CCND1: variants seen among roughly 807,000 people sequenced by gnomAD.
CCND1 encodes the protein G1/S-specific cyclin-D1.
CCND1 carries 9 observed loss-of-function variants against 26.1 expected under a neutral mutation model. The ratio of observed to expected loss-of-function variants is 0.35; its 90% CI spans 0.21 to 0.60. CCND1 has a LOEUF of 0.60. CCND1 is among the 20% of genes least tolerant of loss of function. The pLI is 0.79. For missense variants in CCND1, 335 were observed against 392.9 expected, an observed-to-expected ratio of 0.85 and a Z score of 1.25; for synonymous variants, 194 against 166.1, an observed-to-expected ratio of 1.17 and a Z score of -1.29.
chr11:69,653,451 T>C lies in CCND1; in HGVS notation c.*2169T>C. On this transcript the variant is annotated 3_prime_UTR_variant, in exon 5 of 5. Coordinates refer to ENST00000227507, the MANE Select transcript of CCND1 (RefSeq NM_053056.3). ...TTTTTTTTATGTGATCAATTTTGAC[T>C]TAATGTGATTACTGCTCTATTCCAA... The C allele has an allele frequency of 1.6e-6, 1 of 608,258 alleles. No homozygotes were observed. Among genetic ancestry groups the C allele is most frequent in the Non-Finnish European group, 2.9e-6 (1 of 348,446 alleles). 37.7% of individuals were successfully genotyped at this position (608,258 alleles called of 1,614,324 possible).
Position 69,653,646 on chromosome 11 carries a change from G to T in CCND1, c.*2364G>T, listed in dbSNP as rs557913711. ...ACCGCGCCGGTGTCCCCAGAGACCA[G>T]GCTGTGTCCCTCTTCTCTTCCCTGC... On this transcript the variant is annotated 3_prime_UTR_variant, in exon 5 of 5. Transcript: ENST00000227507. The T allele has an allele frequency of 5.0e-5, 20 of 402,830 alleles. No individual in the cohort carries two copies. The highest frequency in any genetic ancestry group is 3.7e-4 in the African/African-American group (18 of 48,556). 25.0% of individuals were successfully genotyped at this position (402,830 alleles called of 1,614,324 possible). A position where few individuals can be genotyped will look rare whatever the true frequency, so the allele number is the denominator to read the frequency against.
At chr11:69,642,830 T>A (rs934630992) in intron 1 of CCND1, among the ~76,000 whole-genome samples, 1 of 143,548 alleles carries the variant, frequency 7.0e-6, no homozygotes, top group East Asian at 2.4e-4. Context: ...GCGGGGACTT[T>A]CCCTTTCAGT....
rs1398886316 is a variant in CCND1 at position 69,648,149 on chromosome 11, G to A, written c.723+7G>A. The A allele has an allele frequency of 1.2e-6, 2 of 1,613,636 alleles. No individual in the cohort carries two copies. The highest frequency in any genetic ancestry group is 1.7e-6 in the Non-Finnish European group (2 of 1,179,956). On this transcript the variant is annotated splice_region_variant and intron_variant, in intron 4 of 4. Coordinates refer to ENST00000227507, the MANE Select transcript of CCND1 (RefSeq NM_053056.3). ...AGTGATCAAGTGTGACCCGGTAAGT[G>A]AGGGTGATGTCCCAGGCAGCCTTGC...
At position 69,651,159 on chromosome 11, in the gene CCND1, G is replaced by A. The variant is rs2120119852; in HGVS notation, c.765G>A (p.Leu255=). The A allele has an allele frequency of 1.9e-6, 3 of 1,613,092 alleles. No individual in the cohort carries two copies. Among genetic ancestry groups the A allele is most frequent in the East Asian group, 2.2e-5 (1 of 44,738 alleles). The change falls in exon 5 of 5, where the codon CTG becomes CTA. Residue 255 remains leucine, a synonymous_variant. Coordinates refer to ENST00000227507, the MANE Select transcript of CCND1 (RefSeq NM_053056.3). Reference sequence around the variant, plus strand: ...GCCAGGAGCAGATCGAAGCCCTGCTGGAGTCAAGCCTGCGCCAGGCCCAGC... The same window carrying A: ...GCCAGGAGCAGATCGAAGCCCTGCTAGAGTCAAGCCTGCGCCAGGCCCAGC... ...RACQEQIEAL[L]ESSLRQAQQN... is the part of the protein sequence containing the mutation.
intron 3 of CCND1, among the ~76,000 whole-genome samples, chr11:69,645,928 G>A (rs1308369741): frequency 2.0e-5 from 3 of 152,190 alleles, no homozygotes; most frequent in Non-Finnish European, 4.4e-5. Context: ...GGTGAGGAAC[G>A]TCCAGTGCCA....
rs1056928220 is a variant in CCND1 at position 69,653,973 on chromosome 11, A to G, written c.*2691A>G. The stretch of plus-strand genomic sequence containing the variant: ...TAATTTAAAGAGACTCCAAATCTCA[A>G]TGAAGCCAGCTCACAGTGCTGTGTG... On this transcript the variant is annotated 3_prime_UTR_variant, in exon 5 of 5. Transcript: ENST00000227507. The G allele has an allele frequency of 4.1e-5, 24 of 582,156 alleles. No homozygotes were observed. The highest frequency in any genetic ancestry group is 3.7e-4 in the African/African-American group (20 of 53,650). 36.1% of individuals were successfully genotyped at this position (582,156 alleles called of 1,614,324 possible).
At chr11:69,647,372 G>A (rs921288448) in intron 3 of CCND1, among the ~76,000 whole-genome samples, 1 of 152,090 alleles carries the variant, frequency 6.6e-6, no homozygotes. Context: ...CTCTCCTGGC[G>A]CCAGGGCCTG....
At chr11:69,644,400 C>T (rs1855753082) in intron 3 of CCND1, among the ~76,000 whole-genome samples, 1 of 152,350 alleles carries the variant, frequency 6.6e-6, no homozygotes, top group South Asian at 2.1e-4. Context: ...AGGCCCCCTC[C>T]TGGCCTCTCC....
At position 69,653,946 on chromosome 11, in the gene CCND1, G is replaced by A. The variant is rs1390054503; in HGVS notation, c.*2664G>A. 3 of 563,296 alleles carry A rather than the reference G, an allele frequency of 5.3e-6. No individual in the cohort carries two copies. Among genetic ancestry groups the A allele is most frequent in the Non-Finnish European group, 9.5e-6 (3 of 316,910 alleles). The allele number at this position is 563,296 out of a possible 1,614,324, so 34.9% of individuals were successfully genotyped here. A position where few individuals can be genotyped will look rare whatever the true frequency, so the allele number is the denominator to read the frequency against. ...ATTGTTTTGTTAATTACACCATAATGCTAATTTAAAGAGACTCCAAATCTC... is the reference window on the plus strand; with the variant it reads ...ATTGTTTTGTTAATTACACCATAATACTAATTTAAAGAGACTCCAAATCTC... On this transcript the variant is annotated 3_prime_UTR_variant, in exon 5 of 5. Transcript: ENST00000227507.
At chr11:69,643,533 C>G (rs1855738727) in intron 2 of CCND1, among the ~76,000 whole-genome samples, 1 of 152,240 alleles carries the variant, frequency 6.6e-6, no homozygotes, top group South Asian at 2.1e-4. Flanking sequence ...CGAGGAGCGC[C>G]GCGCTCGGCG....
Position 69,643,084 on chromosome 11 carries a change from C to G in CCND1, c.252C>G (p.Tyr84Ter), listed in dbSNP as rs2120088633. Residue 84 changes from tyrosine to a stop codon, truncating the protein, a stop_gained, in exon 2 of 5, where the codon TAC becomes TAG. Coordinates refer to ENST00000227507, the MANE Select transcript of CCND1 (RefSeq NM_053056.3). LOFTEE classifies it high-confidence loss of function. ...EEEVFPLAMN[Y>*]LDRFLSLEPV... ...AGGTCTTCCCGCTGGCCATGAACTA[C>G]CTGGACCGCTTCCTGTCGCTGGAGC... 1 of 1,611,222 alleles carries G rather than the reference C, an allele frequency of 6.2e-7. No homozygotes were observed. Among genetic ancestry groups the G allele is most frequent in the South Asian group, 1.1e-5 (1 of 90,652 alleles).
In CCND1 at chr11:69,643,263, GCCGCCCC is replaced by G. The variant is rs552277149; in HGVS notation, c.414+29_414+35del. On this transcript the variant is annotated intron_variant, in intron 2 of 4. Transcript: ENST00000227507. ...GAGCTGCTGGTAACCACTGGACCCC[GCCGCCCC>G]CCGCCCCCCGCGAGCCGCACGCAGG... The G allele has an allele frequency of 1.0e-5, 16 of 1,531,886 alleles. No homozygotes were observed. The South Asian group carries it at 1.3e-4, about 13-fold the overall frequency. 94.9% of individuals were successfully genotyped at this position (1,531,886 alleles called of 1,614,324 possible).
At position 69,654,308 on chromosome 11, in the gene CCND1, T is replaced by G. The variant is rs1590917779; in HGVS notation, c.*3026T>G. 1.4e-6 allele frequency: 1 copy of G among 702,368 alleles called. No homozygotes were observed. Among genetic ancestry groups the G allele is most frequent in the Non-Finnish European group, 2.6e-6 (1 of 384,954 alleles). 43.5% of individuals were successfully genotyped at this position (702,368 alleles called of 1,614,324 possible). On this transcript the variant is annotated 3_prime_UTR_variant, in exon 5 of 5. Coordinates refer to ENST00000227507, the MANE Select transcript of CCND1 (RefSeq NM_053056.3). The surrounding 1 kb of genome is among the most constrained non-coding windows in gnomAD (Gnocchi z 6.3). ...GGCAAGTGCACGGGGCACAGCGGAG[T>G]CTGTCCTGTGACGCGCAAGTCTGAG...
At chr11:69,643,759 C>G in intron 2 of CCND1, 73 bp from the exon 3 acceptor site, 2 of 1,476,142 alleles carry the variant, frequency 1.4e-6, no homozygotes, top group South Asian at 2.5e-5. Context: ...GCCCGGCCCC[C>G]GTGCTGCCGG....
intron 4 of CCND1, among the ~76,000 whole-genome samples, chr11:69,648,530 A>G (rs905198588): frequency 6.6e-5 from 10 of 152,348 alleles, no homozygotes; most frequent in African/African-American, 2.4e-4. Context: ...ATGCTTGAAA[A>G]GGGCTCCTGT....
At chr11:69,645,747 G>C (rs1855769784) in intron 3 of CCND1, among the ~76,000 whole-genome samples, 1 of 152,166 alleles carries the variant, frequency 6.6e-6, no homozygotes, top group Non-Finnish European at 1.5e-5. Context: ...AAAGAGTCTA[G>C]GAAGGTGTTT....
intron 3 of CCND1, among the ~76,000 whole-genome samples, chr11:69,645,891 G>GT (rs1310683305): frequency 6.6e-6 from 1 of 152,234 alleles, no homozygotes; most frequent in Non-Finnish European, 1.5e-5. Context: ...TTCAGGGCAG[G>GT]TGCGCCCTTG....
intron 4 of CCND1, among the ~76,000 whole-genome samples, chr11:69,649,780 G>A (rs1272261303): frequency 3.3e-5 from 5 of 152,292 alleles, no homozygotes; most frequent in South Asian, 2.1e-4. Flanking sequence ...GGGACGGGCC[G>A]CAGGTGAAGA....
At chr11:69,645,171 G>A (rs1031550126) in intron 3 of CCND1, among the ~76,000 whole-genome samples, 1 of 152,208 alleles carries the variant, frequency 6.6e-6, no homozygotes, top group Non-Finnish European at 1.5e-5. Context: ...AGTCTGGATG[G>A]GTCTGGGGTG....
Sources: allele counts gnomAD v4.1 joint callset (sites outside exome capture counted in the v4.1 genomes callset), GRCh38; gene constraint gnomAD v4.1.1; non-coding constraint Gnocchi (gnomAD v3.1); transcripts MANE v1.5; gene names NCBI Gene and HGNC (gene_info 2026-07-23, HGNC 2026-07-21).